HDAC9: variants seen among roughly 807,000 people sequenced by gnomAD.
The protein encoded by HDAC9 is histone deacetylase 9.
Under a neutral mutation model 139.4 loss-of-function variants are expected in HDAC9, and 41 were observed. The ratio of observed to expected loss-of-function variants is 0.29; its 90% CI spans 0.23 to 0.38. The LOEUF (loss-of-function observed/expected upper bound fraction) is 0.38. HDAC9 is among the 10% of genes least tolerant of loss of function. The pLI is 1.00. For missense variants in HDAC9, 1,147 were observed against 1,297.0 expected, an observed-to-expected ratio of 0.88 and a Z score of 1.78; for synonymous variants, 517 against 476.2, an observed-to-expected ratio of 1.09 and a Z score of -1.12.
chr7:18,862,241 C>A (rs188818112), intron 21 of HDAC9, among the ~76,000 whole-genome samples: 55 of 152,216 alleles, frequency 3.6e-4, no homozygotes, highest in Admixed American at 7.9e-4. Flanking sequence ...CTTCAGGCAA[C>A]AACTTTTCTT....
At chr7:18,164,553 T>G (rs920016472) in intron 2 of HDAC9, among the ~76,000 whole-genome samples, 3 of 152,134 alleles carry the variant, frequency 2.0e-5, no homozygotes, top group Non-Finnish European at 4.4e-5. Flanking sequence ...TTCCAGAAAT[T>G]CTTTAATAGT....
intron 13 of HDAC9, among the ~76,000 whole-genome samples, chr7:18,747,081 G>A (rs1562908607): frequency 6.6e-6 from 1 of 152,130 alleles, no homozygotes; most frequent in Non-Finnish European, 1.5e-5. Context: ...ATGTCACAAG[G>A]CTGCTAGGAT....
rs542942057 is a variant in HDAC9 at position 18,485,756 on chromosome 7, T to C, written c.-41-10506T>C. Among the ~76,000 whole-genome samples, 3 of 152,266 alleles carry C rather than the reference T, an allele frequency of 2.0e-5. No individual in the cohort carries two copies. In the East Asian group the frequency reaches 5.8e-4, roughly 29 times the overall value. On this transcript the variant is annotated intron_variant, in intron 1 of 3. Coordinates refer to the HDAC9 transcript ENST00000413509. ...AAAGGCAGATGTTAATATCCCCATT[T>C]ATAACATGAGAGAATTGTGACTCAG...
intron 12 of HDAC9, among the ~76,000 whole-genome samples, chr7:18,684,910 GATTTTAAACATT>G (rs1458338226): frequency 6.6e-6 from 1 of 151,834 alleles, no homozygotes; most frequent in Non-Finnish European, 1.5e-5. Flanking sequence ...CATTTCTCTT[GATTTTAAACATT>G]TGAAATTTGA....
intron 1 of HDAC9, among the ~76,000 whole-genome samples, chr7:18,315,102 G>A (rs1799551679): frequency 6.6e-6 from 1 of 152,300 alleles, no homozygotes; most frequent in East Asian, 1.9e-4. Flanking sequence ...ATGCATTTCT[G>A]TAATCCTCAT....
At chr7:18,239,597 T>G (rs1794053059) in intron 2 of HDAC9, among the ~76,000 whole-genome samples, 1 of 152,240 alleles carries the variant, frequency 6.6e-6, no homozygotes, top group South Asian at 2.1e-4. Flanking sequence ...CAAAAAGAAG[T>G]TAAAAATAAA....
At chr7:18,450,495 G>A (rs565183806) in intron 1 of HDAC9, among the ~76,000 whole-genome samples, 1 of 152,234 alleles carries the variant, frequency 6.6e-6, no homozygotes, top group South Asian at 2.1e-4. Context: ...TTTAGTCTCC[G>A]CCCCTTTCCC....
chr7:18,842,618 TA>T (rs1160201390), intron 21 of HDAC9, among the ~76,000 whole-genome samples: 1 of 152,148 alleles, frequency 6.6e-6, no homozygotes, highest in African/African-American at 2.4e-5. Context: ...TCCATAGGAA[TA>T]AATTTGAGAA....
intron 24 of HDAC9, among the ~76,000 whole-genome samples, chr7:18,956,497 G>T (rs1433891368): frequency 6.6e-6 from 1 of 152,082 alleles, no homozygotes; most frequent in Non-Finnish European, 1.5e-5. Context: ...GCCATTAAAA[G>T]CAGGCAGATT....
At chr7:18,375,580 C>A (rs560279033) in intron 1 of HDAC9, among the ~76,000 whole-genome samples, 1 of 152,262 alleles carries the variant, frequency 6.6e-6, no homozygotes, top group Admixed American at 6.5e-5. Flanking sequence ...TAGGACACCA[C>A]ATATGTGGTG....
chr7:18,392,517 C>T (rs748386867), intron 1 of HDAC9, among the ~76,000 whole-genome samples: 5 of 151,830 alleles, frequency 3.3e-5, no homozygotes, highest in African/African-American at 4.8e-5. Flanking sequence ...TAAATGCAAA[C>T]GTGATATTCT....
intron 12 of HDAC9, among the ~76,000 whole-genome samples, chr7:18,688,512 G>C (rs1782440666): frequency 6.6e-6 from 1 of 151,810 alleles, no homozygotes; most frequent in Non-Finnish European, 1.5e-5. Context: ...GCTGACTCCT[G>C]AAGGTTACAT....
chr7:18,923,372 G>A (rs1803930431), intron 22 of HDAC9, among the ~76,000 whole-genome samples: 1 of 152,090 alleles, frequency 6.6e-6, no homozygotes, highest in Admixed American at 6.6e-5. Context: ...AAAAGTAGTT[G>A]CCTAATCTCA....
At chr7:18,745,883 C>CT (rs752292349) in intron 13 of HDAC9, among the ~76,000 whole-genome samples, 7,198 of 99,428 alleles carry the variant, frequency 0.072, 553 homozygotes, top group East Asian at 0.14. Flanking sequence ...TCTTCTTCTT[C>CT]TTTTTTTTTT....
chr7:18,662,949 A>T (rs1431200773), intron 11 of HDAC9, among the ~76,000 whole-genome samples: 3 of 152,046 alleles, frequency 2.0e-5, no homozygotes, highest in Non-Finnish European at 4.4e-5. Flanking sequence ...CAAGGTTAGA[A>T]GTCTTATTTG....
At position 18,553,123 on chromosome 7, in the gene HDAC9, C is replaced by T. The variant is rs75332598; in HGVS notation, c.23-32158C>T. On this transcript the variant is annotated intron_variant, in intron 2 of 25. Coordinates refer to ENST00000686413, the MANE Select transcript of HDAC9 (RefSeq NM_178425.4). ...CACCTTTGTGTGTATTTGTGCTGTG[C>T]GTAAACCATTGTGTATTTTGGCATG... 4.2e-3 allele frequency among the ~76,000 whole-genome samples: 641 copies of T among 152,090 alleles called. 5 individuals carry two copies. The highest frequency in any genetic ancestry group is 0.015 in the African/African-American group (602 of 41,458).
rs573872175 is a variant in HDAC9, at chr7:18,554,699, C to CT, written c.23-30574dup. 1.1e-3 allele frequency among the ~76,000 whole-genome samples: 170 copies of CT among 152,112 alleles called. 2 individuals carry two copies. The highest frequency in any genetic ancestry group is 6.6e-4 in the Admixed American group (10 of 15,266). ...ACTATCCTCTTCTGTCTCCCTCCTT[C>CT]TTTTTTTTCTGCCCTGGATAACTCC... On this transcript the variant is annotated intron_variant, in intron 2 of 25. Transcript: ENST00000686413.
At chr7:18,115,031 C>T (rs1455121430) in intron 1 of HDAC9, among the ~76,000 whole-genome samples, 1 of 152,160 alleles carries the variant, frequency 6.6e-6, no homozygotes, top group South Asian at 2.1e-4. Context: ...GTGGCTCATG[C>T]CTGTAATCCC....
chr7:18,474,680 G>T (rs1011170408), intron 1 of HDAC9, among the ~76,000 whole-genome samples: 15 of 152,088 alleles, frequency 9.9e-5, no homozygotes, highest in Non-Finnish European at 1.9e-4. Context: ...TATGGTTTCA[G>T]GGTATTAGTG....
Sources: allele counts gnomAD v4.1 joint callset (sites outside exome capture counted in the v4.1 genomes callset), GRCh38; gene constraint gnomAD v4.1.1; transcripts MANE v1.5; gene names NCBI Gene and HGNC (gene_info 2026-07-23, HGNC 2026-07-21).